The following CNOT1 variants were observed in gnomAD, a reference collection of about 807,000 sequenced individuals.
The protein encoded by CNOT1 is CCR4-associated factor 1.
In CNOT1, 15 loss-of-function variants were observed where a neutral mutation model predicts 273.8. The ratio of observed to expected loss-of-function variants is 0.05; its 90% CI spans 0.04 to 0.08. The LOEUF (loss-of-function observed/expected upper bound fraction) is 0.08, where lower values mean the gene tolerates loss of function less well. Ranked by LOEUF, CNOT1 falls within the 10% of genes least tolerant of loss-of-function variation. The pLI is 1.00. For missense variants in CNOT1, 1,644 were observed against 2,912.2 expected (o/e 0.56, Z 10.02); for synonymous variants, 1,022 against 1,005.5 (o/e 1.02, Z -0.31).
intron 2 of CNOT1, among the ~76,000 whole-genome samples, chr16:58,593,544 C>T (rs2042137826): frequency 1.4e-5 from 2 of 140,230 alleles, no homozygotes; most frequent in Non-Finnish European, 3.0e-5. Context: ...ACCTGGGCAA[C>T]AAGAGCGAAA....
chr16:58,525,919 C>G, intron 45 of CNOT1, 70 bp downstream of exon 45: 1 of 1,332,224 alleles, frequency 7.5e-7, no homozygotes, highest in Non-Finnish European at 1.1e-6. Context: ...AAATGGACCA[C>G]ACACAGGACC....
chr16:58,543,411 GAA>G lies in CNOT1; in HGVS notation c.4434+194_4434+195del, dbSNP rs5817153. The G allele has an allele frequency of 6.6e-4, 886 of 1,346,076 alleles. No individual in the cohort carries two copies. The highest frequency in any genetic ancestry group is 1.5e-3 in the Admixed American group (51 of 33,078). The allele number at this position is 1,346,076 out of a possible 1,614,324, so 83.4% of individuals were successfully genotyped here. A position where few individuals can be genotyped will look rare whatever the true frequency, so the allele number is the denominator to read the frequency against. On this transcript the variant is annotated intron_variant, in intron 31 of 48. Transcript: ENST00000317147. Reference sequence around the variant, plus strand: ...CAAACATCGTGTTGAGAATATAACAGAAAAAAAAAAAAACACACAGACATGAT... The same window carrying G: ...CAAACATCGTGTTGAGAATATAACAGAAAAAAAAAAACACACAGACATGAT...
intron 27 of CNOT1, 141 bp from the exon 28 acceptor site, chr16:58,546,890 A>AT: frequency 1.8e-6 from 2 of 1,110,794 alleles, no homozygotes; most frequent in Non-Finnish European, 2.6e-6. Flanking sequence ...AAATAACCAA[A>AT]AACAGTTAAA....
intron 1 of CNOT1, among the ~76,000 whole-genome samples, chr16:58,609,391 TACAA>T (rs1352989145): frequency 1.3e-5 from 2 of 150,688 alleles, no homozygotes; most frequent in South Asian, 2.1e-4. Flanking sequence ...CACAACAAAA[TACAA>T]ACAAACAAAA....
chr16:58,574,740 A>G lies in CNOT1; in HGVS notation c.1848T>C (p.Cys616=), dbSNP rs765741299. The G allele has an allele frequency of 1.9e-6, 3 of 1,600,804 alleles. No homozygotes were observed. Among genetic ancestry groups the G allele is most frequent in the Non-Finnish European group, 2.5e-6 (3 of 1,177,344 alleles). ...REHGEPFIQA[C]MTFLKRRCPS... is the part of the protein sequence containing the mutation. ...GACACCGTCTCTTTAAAAAAGTCAT[A>G]CACGCCTGGATAAAAGGCTCCTGAA... The change falls in exon 16 of 49, where the codon TGT becomes TGC. Residue 616 remains cysteine, a synonymous_variant. Coordinates refer to ENST00000317147, the MANE Select transcript of CNOT1 (RefSeq NM_016284.5).
intron 14 of CNOT1, among the ~76,000 whole-genome samples, chr16:58,575,759 C>A (rs1256061604): frequency 6.6e-6 from 1 of 151,970 alleles, no homozygotes; most frequent in African/African-American, 2.4e-5. Flanking sequence ...AGAGGCGCCA[C>A]TACACTCCAG....
chr16:58,546,208 G>T, intron 29 of CNOT1, 113 bp downstream of exon 29: 1 of 932,406 alleles, frequency 1.1e-6, no homozygotes, highest in Non-Finnish European at 1.6e-6. Flanking sequence ...CGTATACAAA[G>T]TTTCACCACT....
intron 43 of CNOT1, among the ~76,000 whole-genome samples, chr16:58,529,840 C>CAAAAAAAAAAAAAAA (rs58854069): frequency 1.4e-5 from 1 of 69,368 alleles, no homozygotes; most frequent in Admixed American, 1.9e-4. Context: ...GACTCTGTCT[C>CAAAAAAAAAAAAAAA]AAAAAAAAAA....
At chr16:58,607,507 A>T (rs531701502) in intron 1 of CNOT1, among the ~76,000 whole-genome samples, 4 of 152,050 alleles carry the variant, frequency 2.6e-5, no homozygotes, top group Admixed American at 6.6e-5. Flanking sequence ...GCAGGCATTC[A>T]CCTGAGGTCA....
At chr16:58,607,761 A>G (rs1310313969) in intron 1 of CNOT1, among the ~76,000 whole-genome samples, 1 of 148,206 alleles carries the variant, frequency 6.7e-6, no homozygotes, top group African/African-American at 2.5e-5. Context: ...GAAAAGGGCT[A>G]TCTAAATGGG....
At chr16:58,599,199 C>G (rs1366065774) in intron 2 of CNOT1, 37 bp downstream of exon 2, 1 of 1,613,674 alleles carries the variant, frequency 6.2e-7, no homozygotes, top group East Asian at 2.2e-5. Flanking sequence ...TCTACTCATT[C>G]CTTTAATGGC....
intron 40 of CNOT1, 73 bp from the exon 41 acceptor site, chr16:58,532,468 A>C: frequency 2.6e-6 from 4 of 1,557,692 alleles, no homozygotes; most frequent in Non-Finnish European, 3.5e-6. Context: ...CATGCTTTTT[A>C]AACTTTGCAT....
chr16:58,564,611 T>C (rs1321502860), intron 16 of CNOT1, among the ~76,000 whole-genome samples: 2 of 152,184 alleles, frequency 1.3e-5, no homozygotes, highest in African/African-American at 2.4e-5. Context: ...TAAAATATGG[T>C]AAATTAAAAT....
At chr16:58,614,100 AAAAAAAG>A (rs1403568623) in intron 1 of CNOT1, among the ~76,000 whole-genome samples, 1 of 120,914 alleles carries the variant, frequency 8.3e-6, no homozygotes, top group African/African-American at 2.8e-5. Context: ...TCAAAAAAAA[AAAAAAAG>A]AAAAGAAAAT....
rs10615992 is a variant in CNOT1 at position 58,611,820 on chromosome 16, CA to C, written c.-174-12310del. Among the ~76,000 whole-genome samples, 601 of 140,634 alleles carry C rather than the reference CA, an allele frequency of 4.3e-3. 5 individuals are homozygous for C. Among genetic ancestry groups the C allele is most frequent in the African/African-American group, 9.8e-3 (384 of 39,034 alleles). 92.3% of individuals were successfully genotyped at this position (140,634 alleles called of 152,430 possible). A position where few individuals can be genotyped will look rare whatever the true frequency, so the allele number is the denominator to read the frequency against. On this transcript the variant is annotated intron_variant, in intron 1 of 48. Transcript: ENST00000317147. ...TGGAAGACAGAACGAGACTCTGTCT[CA>C]AAAAAAAAAAAAAAAGAAATATTTA...
chr16:58,535,897 C>T (rs997157807), intron 39 of CNOT1, among the ~76,000 whole-genome samples: 1 of 151,956 alleles, frequency 6.6e-6, no homozygotes, highest in Non-Finnish European at 1.5e-5. Context: ...CCACACCCGG[C>T]TAATTTTTTT....
chr16:58,538,693 C>T, intron 36 of CNOT1, 79 bp downstream of exon 36: 1 of 1,569,510 alleles, frequency 6.4e-7, no homozygotes, highest in Non-Finnish European at 8.6e-7. Flanking sequence ...AAGGGAAACC[C>T]CTGGACATAA....
rs765495279 is a variant in CNOT1 at position 58,551,665 on chromosome 16, G to C, written c.3125C>G (p.Thr1042Ser). The change falls in exon 23 of 49, where the codon ACC (threonine) becomes AGC (serine). Residue 1042 changes from threonine (T) to serine (S), a missense_variant. Physicochemically the swap from Thr to Ser is moderately conservative, Grantham distance 58. Transcript: ENST00000317147. ...TTTAGCAACAGTGGTAGTTGTTGAG[G>C]TGGTTACCATAGTGCTAACTTGACC... is the stretch of plus-strand genomic sequence containing the variant. ...LAGQVSTMVT[T>S]STTTTVAKTV... 4.3e-6 allele frequency: 7 copies of C among 1,614,214 alleles called. No homozygotes were observed. The highest frequency in any genetic ancestry group is 1.7e-4 in the Middle Eastern group (1 of 6,060).
At chr16:58,555,592 C>T in intron 20 of CNOT1, 55 bp from the exon 21 acceptor site, 1 of 1,571,782 alleles carries the variant, frequency 6.4e-7, no homozygotes, top group Non-Finnish European at 8.6e-7. Context: ...TACTAAGAGC[C>T]TTTCTCAAAT....
Sources: allele counts gnomAD v4.1 joint callset (sites outside exome capture counted in the v4.1 genomes callset), GRCh38; gene constraint gnomAD v4.1.1; transcripts MANE v1.5; gene names NCBI Gene and HGNC (gene_info 2026-07-23, HGNC 2026-07-21).